PDE11A: variants seen among roughly 807,000 people sequenced by gnomAD.
PDE11A encodes phosphodiesterase 11A.
In PDE11A, 100 loss-of-function variants were observed where a neutral mutation model predicts 100.5. That is an observed-to-expected ratio of 1.00 (90% CI 0.85 to 1.18). PDE11A has a LOEUF of 1.18. PDE11A is among the 50% of genes most tolerant of loss of function. The pLI is 0.00. For missense variants in PDE11A, 1,141 were observed against 1,152.6 expected (o/e 0.99, Z 0.15); for synonymous variants, 381 against 420.8 (o/e 0.91, Z 1.16).
At chr2:178,068,411 T>C (rs1209437385) in intron 1 of PDE11A, among the ~76,000 whole-genome samples, 1 of 152,134 alleles carries the variant, frequency 6.6e-6, no homozygotes, top group Non-Finnish European at 1.5e-5. Context: ...ATGCCACGCT[T>C]ATCATCATAA....
At chr2:177,765,658 T>C (rs1271646389) in intron 10 of PDE11A, among the ~76,000 whole-genome samples, 1 of 152,182 alleles carries the variant, frequency 6.6e-6, no homozygotes, top group Non-Finnish European at 1.5e-5. Context: ...ACTGAAACCA[T>C]ACCAAAGCTC....
At position 177,884,504 on chromosome 2, in the gene PDE11A, G is replaced by A. The variant is rs115418110; in HGVS notation, c.1303-8581C>T. ...AAGATATGCATCTTTTGTGTTAATA[G>A]GCTAGTACATGCTTAGGCTGACCAT... On this transcript the variant is annotated intron_variant, in intron 4 of 19. Coordinates refer to ENST00000286063, the MANE Select transcript of PDE11A (RefSeq NM_016953.4). 2.1e-3 allele frequency among the ~76,000 whole-genome samples: 321 copies of A among 152,258 alleles called. 1 individual carries two copies. Among genetic ancestry groups the A allele is most frequent in the African/African-American group, 6.8e-3 (281 of 41,548 alleles).
At chr2:177,961,726 C>T (rs1049339406) in intron 2 of PDE11A, among the ~76,000 whole-genome samples, 7 of 151,932 alleles carry the variant, frequency 4.6e-5, no homozygotes, top group African/African-American at 1.7e-4. Context: ...AATGGAAAGC[C>T]AATAACATTT....
chr2:177,845,369 G>A (rs1292101260), intron 5 of PDE11A, among the ~76,000 whole-genome samples: 1 of 151,144 alleles, frequency 6.6e-6, no homozygotes, highest in Non-Finnish European at 1.5e-5. Context: ...CGGCCGGGCA[G>A]AGGCGCTCCT....
chr2:177,868,541 T>A (rs2084069288), intron 5 of PDE11A, among the ~76,000 whole-genome samples: 1 of 152,244 alleles, frequency 6.6e-6, no homozygotes, highest in Non-Finnish European at 1.5e-5. Flanking sequence ...ATACCATTCT[T>A]GAAGGAAAAT....
At chr2:177,908,515 G>A in intron 2 of PDE11A, among the ~76,000 whole-genome samples, 1 of 152,162 alleles carries the variant, frequency 6.6e-6, no homozygotes, top group African/African-American at 2.4e-5. Context: ...TATACTCTTG[G>A]TAGTGAAAGG....
chr2:177,872,516 GTTA>G (rs2084153982), intron 5 of PDE11A, among the ~76,000 whole-genome samples: 1 of 152,112 alleles, frequency 6.6e-6, no homozygotes, highest in Admixed American at 6.6e-5. Flanking sequence ...AGCAAAACTG[GTTA>G]TTATTTAAAA....
chr2:177,888,524 G>A lies in PDE11A; in HGVS notation c.1302+9534C>T, dbSNP rs2084477032. ...AATAATGCCATTATAGCTAAAGGTAGATAAAGATTTTTATAACAAAACCCT... is the reference window on the plus strand; with the variant it reads ...AATAATGCCATTATAGCTAAAGGTAAATAAAGATTTTTATAACAAAACCCT... On this transcript the variant is annotated intron_variant, in intron 4 of 19. Transcript: ENST00000286063. 5 of 154,772 alleles carry A rather than the reference G, an allele frequency of 3.2e-5. No homozygotes were observed. In the Admixed American group the frequency reaches 3.3e-4, roughly 10 times the overall value. The allele number at this position is 154,772 out of a possible 1,614,324, so 9.6% of individuals were successfully genotyped here. A position where few individuals can be genotyped will look rare whatever the true frequency, so the allele number is the denominator to read the frequency against.
intron 2 of PDE11A, among the ~76,000 whole-genome samples, chr2:178,096,776 C>A (rs185640118): frequency 2.0e-5 from 3 of 152,328 alleles, no homozygotes; most frequent in African/African-American, 7.2e-5. Flanking sequence ...AACCATTCAA[C>A]AAGTTTCTAG....
At chr2:177,718,341 A>G (rs138066612) in intron 12 of PDE11A, among the ~76,000 whole-genome samples, 93 of 152,304 alleles carry the variant, frequency 6.1e-4, no homozygotes, top group African/African-American at 2.2e-3. Flanking sequence ...GTTCTTACTT[A>G]CTGTGCTACA....
intron 15 of PDE11A, chr2:177,688,212 C>G (rs1283534313): frequency 2.0e-5 from 3 of 152,262 alleles, no homozygotes; most frequent in African/African-American, 7.2e-5. Flanking sequence ...CAGACACAGA[C>G]AGGGTTCTTT....
intron 2 of PDE11A, among the ~76,000 whole-genome samples, chr2:178,102,992 A>G (rs899982617): frequency 9.9e-5 from 15 of 152,214 alleles, no homozygotes. Flanking sequence ...ATGTAATAAC[A>G]AAGTCAGAGA....
At chr2:177,815,327 A>G (rs1211696668) in intron 9 of PDE11A, among the ~76,000 whole-genome samples, 3 of 152,200 alleles carry the variant, frequency 2.0e-5, no homozygotes, top group Non-Finnish European at 2.9e-5. Flanking sequence ...AATTCTCACA[A>G]TTGAGGTAAG....
intron 7 of PDE11A, among the ~76,000 whole-genome samples, chr2:177,818,264 A>G (rs1325376987): frequency 1.5e-5 from 2 of 134,236 alleles, no homozygotes; most frequent in Non-Finnish European, 3.2e-5. Context: ...GTGTGTATTC[A>G]GCTACATATA....
At chr2:178,105,329 G>A (rs545088310) in intron 1 of PDE11A, among the ~76,000 whole-genome samples, 67 of 152,134 alleles carry the variant, frequency 4.4e-4, no homozygotes, top group Middle Eastern at 3.4e-3. Flanking sequence ...GTGTGGTGGC[G>A]GACGCCTGTA....
At chr2:177,850,665 C>G (rs2083685012) in intron 5 of PDE11A, among the ~76,000 whole-genome samples, 1 of 152,108 alleles carries the variant, frequency 6.6e-6, no homozygotes, top group Non-Finnish European at 1.5e-5. Context: ...CCAGAATCTA[C>G]AAAGAACTCA....
At chr2:177,788,638 C>G (rs1340527867) in intron 9 of PDE11A, among the ~76,000 whole-genome samples, 8 of 151,714 alleles carry the variant, frequency 5.3e-5, no homozygotes, top group Non-Finnish European at 1.2e-4. Context: ...TGATAGACTG[C>G]TAGCAAGACT....
intron 10 of PDE11A, among the ~76,000 whole-genome samples, chr2:177,747,068 T>C (rs1374275033): frequency 6.6e-6 from 1 of 152,122 alleles, no homozygotes; most frequent in Non-Finnish European, 1.5e-5. Flanking sequence ...TAATGTCAGC[T>C]GGATAGAGGC....
chr2:177,737,240 C>T (rs2081799173), intron 10 of PDE11A, among the ~76,000 whole-genome samples: 1 of 148,828 alleles, frequency 6.7e-6, no homozygotes, highest in Admixed American at 6.7e-5. Flanking sequence ...AACTCTGCCT[C>T]AAAATAAAAT....
Sources: allele counts gnomAD v4.1 joint callset (sites outside exome capture counted in the v4.1 genomes callset), GRCh38; gene constraint gnomAD v4.1.1; transcripts MANE v1.5; gene names NCBI Gene and HGNC (gene_info 2026-07-23, HGNC 2026-07-21).